Variants in IGFBP4 observed in about 807,000 individuals in gnomAD.
IGFBP4 encodes the protein insulin like growth factor binding protein 4, also known as insulin-like growth factor-binding protein 4.
IGFBP4 carries 9 observed loss-of-function variants against 25.8 expected under a neutral mutation model. That is an observed-to-expected ratio of 0.35 (90% CI 0.21 to 0.61). IGFBP4 has a LOEUF of 0.61. IGFBP4 is among the 20% of genes least tolerant of loss of function. The pLI, the probability that IGFBP4 is intolerant of heterozygous loss-of-function variation, is 0.77. For synonymous variants in IGFBP4, 153 were observed against 153.9 expected (o/e 0.99, Z 0.05); for missense variants, 315 against 365.3 (o/e 0.86, Z 1.12).
At chr17:40,448,704 C>T (rs1488307037) in intron 1 of IGFBP4, among the ~76,000 whole-genome samples, 4 of 152,146 alleles carry the variant, frequency 2.6e-5, no homozygotes, top group Non-Finnish European at 5.9e-5. Context: ...CCACAAAAAC[C>T]TGGTGCTTAG....
intron 3 of IGFBP4, 96 bp downstream of exon 3, chr17:40,454,158 G>T: frequency 6.7e-7 from 1 of 1,483,398 alleles, no homozygotes; most frequent in Non-Finnish European, 9.0e-7. Context: ...TCTCAGGAAG[G>T]GGAAACTCCT....
rs926705621 is a variant in IGFBP4 at position 40,457,328 on chromosome 17, G to A, written c.*745G>A. Reference sequence around the variant, plus strand: ...TGTGGGAGAGCGAAGGGGGTCAAAGGAAGACTTGAAGCACAGAGGGCTAGG... The same window carrying A: ...TGTGGGAGAGCGAAGGGGGTCAAAGAAAGACTTGAAGCACAGAGGGCTAGG... On this transcript the variant is annotated 3_prime_UTR_variant, in exon 4 of 4. Coordinates refer to ENST00000269593, the MANE Select transcript of IGFBP4 (RefSeq NM_001552.3). 2 of 152,384 alleles carry A rather than the reference G, an allele frequency of 1.3e-5. No individual in the cohort carries two copies. Among genetic ancestry groups the A allele is most frequent in the East Asian group, 1.9e-4 (1 of 5,174 alleles). 9.4% of individuals were successfully genotyped at this position (152,384 alleles called of 1,614,324 possible). A position where few individuals can be genotyped will look rare whatever the true frequency, so the allele number is the denominator to read the frequency against.
At chr17:40,449,691 T>G (rs1264142904) in intron 1 of IGFBP4, among the ~76,000 whole-genome samples, 3 of 151,558 alleles carry the variant, frequency 2.0e-5, no homozygotes, top group Non-Finnish European at 2.9e-5. Flanking sequence ...GGAGCTTGCA[T>G]TGAGCCGAGA....
chr17:40,453,632 C>T lies in IGFBP4; in HGVS notation c.508-296C>T, dbSNP rs2035698463. 6.6e-6 allele frequency among the ~76,000 whole-genome samples: 1 copy of T among 152,268 alleles called. No homozygotes were observed. The highest frequency in any genetic ancestry group is 2.1e-4 in the South Asian group (1 of 4,832). ...TTATCTGTCCCTTCTGCATAGAAAT[C>T]ACCCCCTCCCTGGCTTTCTGCATAG... On this transcript the variant is annotated intron_variant, in intron 2 of 3. Coordinates refer to ENST00000269593, the MANE Select transcript of IGFBP4 (RefSeq NM_001552.3). This position sits in a 1 kb window ranked among gnomAD's most constrained non-coding sequence, Gnocchi z 4.0.
chr17:40,454,419 T>G (rs927844573), intron 3 of IGFBP4, among the ~76,000 whole-genome samples: 2 of 152,206 alleles, frequency 1.3e-5, no homozygotes, highest in African/African-American at 4.8e-5. Context: ...TCTCATTCAC[T>G]CTACTCTATT....
intron 1 of IGFBP4, among the ~76,000 whole-genome samples, chr17:40,446,169 C>CAAAAA (rs71152673): frequency 3.0e-5 from 3 of 99,278 alleles, no homozygotes; most frequent in Non-Finnish European, 2.0e-5. Flanking sequence ...CCCGTCTCTA[C>CAAAAA]AAAAAAAAAA....
At chr17:40,454,781 GTCTGGGCAGGGC>G (rs946394044) in intron 3 of IGFBP4, among the ~76,000 whole-genome samples, 1 of 152,228 alleles carries the variant, frequency 6.6e-6, no homozygotes, top group Non-Finnish European at 1.5e-5. Flanking sequence ...TGGGTGGCCT[GTCTGGGCAGGGC>G]TCTGGTGTGC....
At chr17:40,454,430 C>A (rs959291098) in intron 3 of IGFBP4, among the ~76,000 whole-genome samples, 1 of 152,180 alleles carries the variant, frequency 6.6e-6, no homozygotes, top group African/African-American at 2.4e-5. Context: ...CTACTCTATT[C>A]GTATGAGTAA....
intron 1 of IGFBP4, among the ~76,000 whole-genome samples, chr17:40,446,499 C>G (rs1430724677): frequency 1.3e-5 from 2 of 151,996 alleles, no homozygotes; most frequent in African/African-American, 4.8e-5. Context: ...GCCTGTAGTC[C>G]CAGCTACTTG....
In IGFBP4 at chr17:40,454,008, C is replaced by G; in HGVS notation, c.588C>G (p.Leu196=). 1 of 1,613,268 alleles carries G rather than the reference C, an allele frequency of 6.2e-7. No individual in the cohort carries two copies. Among genetic ancestry groups the G allele is most frequent in the Non-Finnish European group, 8.5e-7 (1 of 1,179,744 alleles). ...AASQSRTHED[L]YIIPIPNCDR... ...CACAGAGCCGCACCCACGAGGACCT[C>G]TACATCATCCCCATCCCCAACTGCG... The change falls in exon 3 of 4, where the codon CTC becomes CTG. Residue 196 remains leucine, a synonymous_variant. Transcript: ENST00000269593.
At chr17:40,445,571 T>G (rs76937424) in intron 1 of IGFBP4, among the ~76,000 whole-genome samples, 1,926 of 152,364 alleles carry the variant, frequency 0.013, 41 homozygotes, top group African/African-American at 0.044. Flanking sequence ...CTCGGGCCTC[T>G]CTGCCCTTCC....
Position 40,453,137 on chromosome 17 carries a change from C to G in IGFBP4, c.502C>G (p.Pro168Ala). ...TGGGGCGCCCCGGGAGGATGCCCGG[C>G]CTGTGGTAAGGACCTCCGATGCACA... Reference protein sequence around the residue: ...VNGAPREDARPVPQGSCQSEL... With the variant: ...VNGAPREDARAVPQGSCQSEL... The change falls in exon 2 of 4, where the codon CCT (proline) becomes GCT (alanine). Residue 168 changes from proline (P) to alanine (A), a missense_variant. Physicochemically the swap from Pro to Ala is conservative, Grantham distance 27. Transcript: ENST00000269593. This position sits in a 1 kb window ranked among gnomAD's most constrained non-coding sequence, Gnocchi z 4.0. 6.4e-7 allele frequency: 1 copy of G among 1,564,736 alleles called. No individual in the cohort carries two copies. Among genetic ancestry groups the G allele is most frequent in the Non-Finnish European group, 8.7e-7 (1 of 1,153,278 alleles).
At position 40,453,913 on chromosome 17, in the gene IGFBP4, C is replaced by T. The variant is rs114009358; in HGVS notation, c.508-15C>T. ...TCTTCCTTCTGCTGAGCAATTTTGT[C>T]TTCCCCTCCTCCAGCCCCAGGGCTC... is the stretch of plus-strand genomic sequence containing the variant. On this transcript the variant is annotated splice_polypyrimidine_tract_variant and intron_variant, in intron 2 of 3. Coordinates refer to ENST00000269593, the MANE Select transcript of IGFBP4 (RefSeq NM_001552.3). This position sits in a 1 kb window ranked among gnomAD's most constrained non-coding sequence, Gnocchi z 4.0. 6.3e-7 allele frequency: 1 copy of T among 1,593,160 alleles called. No individual in the cohort carries two copies. The highest frequency in any genetic ancestry group is 8.5e-7 in the Non-Finnish European group (1 of 1,170,442).
At chr17:40,444,238 C>G (rs1358815158) in intron 1 of IGFBP4, among the ~76,000 whole-genome samples, 154 bp downstream of exon 1, 1 of 152,190 alleles carries the variant, frequency 6.6e-6, no homozygotes, top group African/African-American at 2.4e-5. Flanking sequence ...ATGGGACAGG[C>G]TCATCAAGGA....
chr17:40,454,533 G>A (rs1422987608), intron 3 of IGFBP4, among the ~76,000 whole-genome samples: 2 of 152,226 alleles, frequency 1.3e-5, no homozygotes, highest in Non-Finnish European at 2.9e-5. Flanking sequence ...CTCCCTGCAA[G>A]GCGAGTAGCA....
Position 40,443,821 on chromosome 17 carries a change from C to G in IGFBP4, c.86C>G (p.Pro29Arg), listed in dbSNP as rs1319385175. ...GGCGACGAAGCCATCCACTGCCCGC[C>G]CTGCTCCGAGGAGAAGCTGGCGCGC... ...SLGDEAIHCP[P>R]CSEEKLARCR... The change falls in exon 1 of 4, where the codon CCC becomes CGC. Residue 29 changes from proline (P) to arginine (R), a missense_variant. Pro to Arg is a moderately radical substitution (Grantham distance 103). Transcript: ENST00000269593. The G allele has an allele frequency of 5.2e-6, 8 of 1,535,882 alleles. No homozygotes were observed. The highest frequency in any genetic ancestry group is 5.2e-6 in the Non-Finnish European group (6 of 1,148,022).
chr17:40,446,912 A>G (rs1326597952), intron 1 of IGFBP4, among the ~76,000 whole-genome samples: 2 of 152,172 alleles, frequency 1.3e-5, no homozygotes, highest in Admixed American at 1.3e-4. Context: ...GGCACTCTCT[A>G]GAGTTCTGCT....
At chr17:40,455,164 C>T (rs10305303) in intron 3 of IGFBP4, among the ~76,000 whole-genome samples, 2,060 of 152,226 alleles carry the variant, frequency 0.014, 19 homozygotes, top group Non-Finnish European at 0.021. Flanking sequence ...AAAACTTGAG[C>T]AAGAGTACAG....
chr17:40,443,732 G>C lies in IGFBP4; in HGVS notation c.-4G>C, dbSNP rs1322463213. 2.8e-6 allele frequency: 4 copies of C among 1,438,958 alleles called. No individual in the cohort carries two copies. In the African/African-American group the frequency reaches 6.0e-5, roughly 22 times the overall value. The allele number at this position is 1,438,958 out of a possible 1,614,324, so 89.1% of individuals were successfully genotyped here. A position where few individuals can be genotyped will look rare whatever the true frequency, so the allele number is the denominator to read the frequency against. ...CCGCGCCCGCGCCCAGTCCTCGGGC[G>C]GTCATGCTGCCCCTCTGCCTCGTGG... On this transcript the variant is annotated 5_prime_UTR_variant, in exon 1 of 4. Coordinates refer to ENST00000269593, the MANE Select transcript of IGFBP4 (RefSeq NM_001552.3).
Sources: allele counts gnomAD v4.1 joint callset (sites outside exome capture counted in the v4.1 genomes callset), GRCh38; gene constraint gnomAD v4.1.1; non-coding constraint Gnocchi (gnomAD v3.1); transcripts MANE v1.5; gene names NCBI Gene and HGNC (gene_info 2026-07-23, HGNC 2026-07-21).